Variants in SNX9 observed in about 807,000 individuals in gnomAD.
SNX9 encodes sorting nexin 9.
Under a neutral mutation model 89.4 loss-of-function variants are expected in SNX9, and 44 were observed. The observed-to-expected ratio is 0.49, with a 90% CI of 0.39 to 0.63. The LOEUF is 0.63. SNX9 is among the 30% of genes least tolerant of loss of function. The pLI is 0.00. For synonymous variants in SNX9, 236 were observed against 247.8 expected (o/e 0.95, Z 0.45); for missense variants, 578 against 736.1 (o/e 0.79, Z 2.49).
At position 157,828,944 on chromosome 6, in the gene SNX9, G is replaced by C. The variant is rs545265953; in HGVS notation, c.12+5498G>C. Among the ~76,000 whole-genome samples, 26 of 152,234 alleles carry C rather than the reference G, an allele frequency of 1.7e-4. No homozygotes were observed. In the South Asian group the frequency reaches 3.9e-3, roughly 23 times the overall value. ...CTGTCAGCCTCAAGAAGCTGAGACT[G>C]TTTGTGATCACTTTTGTATCTTCAA... On this transcript the variant is annotated intron_variant, in intron 1 of 17. Coordinates refer to ENST00000392185, the MANE Select transcript of SNX9 (RefSeq NM_016224.5).
chr6:157,922,830 G>A (rs1297052877), intron 10 of SNX9, among the ~76,000 whole-genome samples: 1 of 152,194 alleles, frequency 6.6e-6, no homozygotes, highest in African/African-American at 2.4e-5. Context: ...GTCACACTGT[G>A]TGTCATGTAG....
At chr6:157,850,810 A>C (rs949019706) in intron 1 of SNX9, among the ~76,000 whole-genome samples, 6 of 152,202 alleles carry the variant, frequency 3.9e-5, no homozygotes, top group African/African-American at 1.4e-4. Context: ...AGCTCATGGC[A>C]CTGCTGGCTG....
At chr6:157,883,159 A>G (rs1782662035) in intron 4 of SNX9, among the ~76,000 whole-genome samples, 4 of 152,200 alleles carry the variant, frequency 2.6e-5, no homozygotes, top group Admixed American at 2.6e-4. Flanking sequence ...GTGCAGCTTG[A>G]CTAGTGGAAG....
intron 4 of SNX9, chr6:157,885,199 T>A (rs934845289): frequency 2.6e-5 from 4 of 152,262 alleles, no homozygotes; most frequent in Non-Finnish European, 4.4e-5. Flanking sequence ...AACAAAGGAT[T>A]TGTTAAATAA....
At chr6:157,903,884 T>C (rs1333513891) in intron 6 of SNX9, among the ~76,000 whole-genome samples, 1 of 152,198 alleles carries the variant, frequency 6.6e-6, no homozygotes, top group Non-Finnish European at 1.5e-5. Context: ...ATTAAAGCAG[T>C]CCTAACTTGA....
intron 5 of SNX9, among the ~76,000 whole-genome samples, chr6:157,898,372 T>C (rs1182212476): frequency 6.6e-6 from 1 of 152,260 alleles, no homozygotes; most frequent in Non-Finnish European, 1.5e-5. Flanking sequence ...GGGCCCCTGC[T>C]GTCGCCCGTG....
chr6:157,861,649 G>A (rs978257039), intron 1 of SNX9, among the ~76,000 whole-genome samples: 16 of 152,208 alleles, frequency 1.1e-4, no homozygotes, highest in Admixed American at 6.5e-5. Flanking sequence ...TCACTGATAT[G>A]CAGTAGTCCC....
chr6:157,911,688 GGACT>G (rs1227900492), intron 9 of SNX9, among the ~76,000 whole-genome samples: 1 of 152,102 alleles, frequency 6.6e-6, no homozygotes, highest in Non-Finnish European at 1.5e-5. Context: ...GTTAAGATGT[GGACT>G]GACTAATCTT....
At chr6:157,828,561 AC>A (rs1420465187) in intron 1 of SNX9, among the ~76,000 whole-genome samples, 1 of 152,036 alleles carries the variant, frequency 6.6e-6, no homozygotes, top group East Asian at 1.9e-4. Flanking sequence ...TGGCACGAAC[AC>A]AGCTCACGGC....
intron 4 of SNX9, chr6:157,885,375 T>G (rs1782712099): frequency 6.6e-6 from 1 of 152,236 alleles, no homozygotes; most frequent in Admixed American, 6.5e-5. Context: ...TTAGGTCATG[T>G]CCTTTGAGCC....
chr6:157,828,791 T>A (rs1781429998), intron 1 of SNX9, among the ~76,000 whole-genome samples: 1 of 152,176 alleles, frequency 6.6e-6, no homozygotes, highest in South Asian at 2.1e-4. Context: ...TAGGTCTTAA[T>A]GCGTCTAAGC....
At position 157,936,029 on chromosome 6, in the gene SNX9, G is replaced by T; in HGVS notation, c.1432G>T (p.Val478Leu). 3 of 1,611,310 alleles carry T rather than the reference G, an allele frequency of 1.9e-6. No homozygotes were observed. The highest frequency in any genetic ancestry group is 2.5e-6 in the Non-Finnish European group (3 of 1,178,296). Reference sequence around the variant, plus strand: ...GACTTATGAAGAAATTGCCAGTCTCGTGGCAGAACAGGTACTAACATAATC... The same window carrying T: ...GACTTATGAAGAAATTGCCAGTCTCTTGGCAGAACAGGTACTAACATAATC... ...GKTYEEIASLVAEQPKKDLHF... is the reference protein window; with the variant it reads ...GKTYEEIASLLAEQPKKDLHF... Residue 478 changes from valine to leucine, a missense_variant, in exon 14 of 18, where the codon GTG (valine) becomes TTG (leucine). Physicochemically the swap from Val to Leu is conservative, Grantham distance 32. Around this residue, in one of 2 missense-constraint regions of SNX9, gnomAD observed 348 missense variants for 491.4 expected, o/e 0.71. Coordinates refer to ENST00000392185, the MANE Select transcript of SNX9 (RefSeq NM_016224.5).
chr6:157,852,355 A>T (rs140204509), intron 1 of SNX9, among the ~76,000 whole-genome samples: 1 of 152,204 alleles, frequency 6.6e-6, no homozygotes, highest in Non-Finnish European at 1.5e-5. Flanking sequence ...ATTACTGGAC[A>T]TCAAAAGCTG....
chr6:157,940,860 T>C, intron 16 of SNX9, 23 bp from the exon 17 acceptor site: 1 of 1,606,594 alleles, frequency 6.2e-7, no homozygotes, highest in Non-Finnish European at 8.5e-7. Flanking sequence ...GAAAACTGAT[T>C]GATGTTCTGA....
intron 1 of SNX9, among the ~76,000 whole-genome samples, chr6:157,834,814 T>A (rs962666057): frequency 6.6e-6 from 1 of 152,134 alleles, no homozygotes; most frequent in Non-Finnish European, 1.5e-5. Context: ...CTCATAACTT[T>A]GTTACATAAA....
At chr6:157,905,626 A>C (rs1783194887) in intron 6 of SNX9, among the ~76,000 whole-genome samples, 1 of 144,480 alleles carries the variant, frequency 6.9e-6, no homozygotes, top group Non-Finnish European at 1.5e-5. Flanking sequence ...ACTGCTTCTG[A>C]AGGCAATTCC....
Position 157,901,818 on chromosome 6 carries a change from T to C in SNX9, c.473-80T>C, listed in dbSNP as rs181840240. On this transcript the variant is annotated intron_variant, in intron 5 of 17. Coordinates refer to ENST00000392185, the MANE Select transcript of SNX9 (RefSeq NM_016224.5). The stretch of plus-strand genomic sequence containing the variant: ...ATTGATTTGCCCAGTAGGTAGTTAC[T>C]GTCAGAAAATTAAGTAATTTCATTT... 136 of 1,523,116 alleles carry C rather than the reference T, an allele frequency of 8.9e-5. No individual in the cohort carries two copies. The East Asian group carries it at 3.0e-3, about 33-fold the overall frequency. 94.4% of individuals were successfully genotyped at this position (1,523,116 alleles called of 1,614,324 possible). A position where few individuals can be genotyped will look rare whatever the true frequency, so the allele number is the denominator to read the frequency against.
At chr6:157,910,395 G>A (rs1023283011) in intron 9 of SNX9, among the ~76,000 whole-genome samples, 1 of 152,176 alleles carries the variant, frequency 6.6e-6, no homozygotes, top group Non-Finnish European at 1.5e-5. Context: ...AAATAAAAAT[G>A]TATGACCCAC....
At chr6:157,883,364 A>G (rs1782667605) in intron 4 of SNX9, among the ~76,000 whole-genome samples, 1 of 152,136 alleles carries the variant, frequency 6.6e-6, no homozygotes, top group Non-Finnish European at 1.5e-5. Context: ...TTGCTGACGT[A>G]TGCTTTTATG....
Sources: gnomAD v4.1 joint callset for allele counts (sites outside exome capture counted in the v4.1 genomes callset) on GRCh38, gnomAD v4.1.1 for gene constraint, gnomAD v4.1.1 regional missense constraint, MANE v1.5 for transcripts, NCBI Gene and HGNC (gene_info 2026-07-23, HGNC 2026-07-21) for gene names.